The following MSRB3 variants were observed in gnomAD, a reference collection of about 807,000 sequenced individuals.
The protein encoded by MSRB3 is methionine-R-sulfoxide reductase B3.
A neutral mutation model predicts 21.0 loss-of-function variants in MSRB3; 13 were observed. That is an observed-to-expected ratio of 0.62 (90% CI 0.40 to 0.98). The LOEUF (loss-of-function observed/expected upper bound fraction) is 0.98, where lower values mean the gene tolerates loss of function less well. Ranked by LOEUF, MSRB3 falls within the 50% of genes least tolerant of loss-of-function variation. The pLI is 0.00. For missense variants in MSRB3, 199 were observed against 230.3 expected (o/e 0.86, Z 0.88); for synonymous variants, 87 against 88.6 (o/e 0.98, Z 0.10).
At chr12:65,379,371 A>G (rs891386281) in intron 5 of MSRB3, among the ~76,000 whole-genome samples, 1 of 152,212 alleles carries the variant, frequency 6.6e-6, no homozygotes, top group African/African-American at 2.4e-5. Context: ...TTACAGTTTA[A>G]ATGTTTCCTA....
At chr12:65,413,473 G>A (rs1361884776) in intron 5 of MSRB3, among the ~76,000 whole-genome samples, 1 of 152,138 alleles carries the variant, frequency 6.6e-6, no homozygotes, top group Non-Finnish European at 1.5e-5. Flanking sequence ...TAACTTTTTA[G>A]TACTGTTCTT....
At chr12:65,349,861 A>C (rs980735294) in intron 4 of MSRB3, among the ~76,000 whole-genome samples, 11 of 151,832 alleles carry the variant, frequency 7.2e-5, no homozygotes, top group African/African-American at 1.5e-4. Flanking sequence ...TTGTAGGTTG[A>C]CTGTTCACTC....
chr12:65,432,567 C>CT, intron 5 of MSRB3, among the ~76,000 whole-genome samples: 1 of 152,026 alleles, frequency 6.6e-6, no homozygotes, highest in Non-Finnish European at 1.5e-5. Flanking sequence ...ATTGACTCAC[C>CT]TTTTTAGCAG....
At chr12:65,389,040 A>C (rs913043860) in intron 5 of MSRB3, among the ~76,000 whole-genome samples, 4 of 152,160 alleles carry the variant, frequency 2.6e-5, no homozygotes, top group African/African-American at 9.7e-5. Context: ...TGTTAATGAC[A>C]TATCTGGGGC....
intron 2 of MSRB3, among the ~76,000 whole-genome samples, chr12:65,313,220 GC>G (rs1248030827): frequency 6.6e-6 from 1 of 152,034 alleles, no homozygotes; most frequent in African/African-American, 2.4e-5. Context: ...TGTTTGTTGT[GC>G]TTTAAAGTCT....
chr12:65,364,999 C>T (rs1345260421), intron 4 of MSRB3, among the ~76,000 whole-genome samples: 1 of 151,290 alleles, frequency 6.6e-6, no homozygotes, highest in Non-Finnish European at 1.5e-5. Flanking sequence ...CTGCACCTTA[C>T]GTGTATATTT....
In MSRB3 at chr12:65,287,730, C is replaced by T. The variant is rs147883192; in HGVS notation, c.-52+8865C>T. Among the ~76,000 whole-genome samples, 740 of 152,182 alleles carry T rather than the reference C, an allele frequency of 4.9e-3. 4 individuals carry two copies. The highest frequency in any genetic ancestry group is 0.024 in the Middle Eastern group (7 of 294). On this transcript the variant is annotated intron_variant, in intron 1 of 6. Transcript: ENST00000308259. ...GTGTGAATATGCCTTCTAGTCAGAT[C>T]GCCTTAGGGGGCCAGGAAGAGGAGG...
At chr12:65,303,221 T>A (rs1467121645) in intron 1 of MSRB3, among the ~76,000 whole-genome samples, 11 of 152,234 alleles carry the variant, frequency 7.2e-5, no homozygotes, top group African/African-American at 2.7e-4. Context: ...CTGGAGCTAA[T>A]TATCAGCTTT....
At chr12:65,305,017 T>C (rs1423021760) in intron 1 of MSRB3, 3 of 152,106 alleles carry the variant, frequency 2.0e-5, no homozygotes, top group African/African-American at 7.2e-5. Flanking sequence ...TCTAGAAATC[T>C]GAGAATGTCA....
chr12:65,421,162 T>C (rs181087385), intron 5 of MSRB3, among the ~76,000 whole-genome samples: 3 of 152,356 alleles, frequency 2.0e-5, no homozygotes, highest in East Asian at 1.9e-4. Flanking sequence ...CCTTTCTGAC[T>C]CATGTGAGGT....
chr12:65,396,701 AAAAAAAGAAAGAAAG>A (rs1323957802), intron 5 of MSRB3, among the ~76,000 whole-genome samples: 1 of 24,660 alleles, frequency 4.1e-5, no homozygotes, highest in Non-Finnish European at 1.0e-4. Context: ...CAAAAAAAAA[AAAAAAAGAAAGAAAG>A]AAAGAAAGAA....
At chr12:65,453,989 T>C (rs948644779) in intron 6 of MSRB3, 164 bp downstream of exon 6, 76 of 708,400 alleles carry the variant, frequency 1.1e-4, no homozygotes, top group Non-Finnish European at 1.5e-5. Context: ...TTAGCAAGTC[T>C]AGTGGAATGT....
At chr12:65,362,943 GCTGAAATA>G (rs952920324) in intron 4 of MSRB3, among the ~76,000 whole-genome samples, 7 of 152,274 alleles carry the variant, frequency 4.6e-5, no homozygotes, top group African/African-American at 1.7e-4. Flanking sequence ...CAAGTAGGAT[GCTGAAATA>G]CTGGAATTTC....
intron 6 of MSRB3, among the ~76,000 whole-genome samples, chr12:65,458,834 T>G (rs937469601): frequency 2.0e-5 from 3 of 152,248 alleles, no homozygotes; most frequent in Non-Finnish European, 4.4e-5. Flanking sequence ...TTAATTTATA[T>G]TTTCAACTAG....
At chr12:65,340,253 A>C (rs113300469) in intron 4 of MSRB3, among the ~76,000 whole-genome samples, 56 of 152,304 alleles carry the variant, frequency 3.7e-4, no homozygotes, top group African/African-American at 1.3e-3. Context: ...TATTAGACAC[A>C]CAAGAAAGTA....
At position 65,408,955 on chromosome 12, in the gene MSRB3, G is replaced by A. The variant is rs189285960; in HGVS notation, c.292+39929G>A. 3.8e-3 allele frequency among the ~76,000 whole-genome samples: 577 copies of A among 152,140 alleles called. 5 individuals are homozygous for A. The highest frequency in any genetic ancestry group is 0.011 in the African/African-American group (470 of 41,500). Reference sequence around the variant, plus strand: ...CCTTCCCCCTGCTGGAATCACAAGCGGACTTTTCTGTGATCTTCACTGTGA... The same window carrying A: ...CCTTCCCCCTGCTGGAATCACAAGCAGACTTTTCTGTGATCTTCACTGTGA... On this transcript the variant is annotated intron_variant, in intron 5 of 6. Coordinates refer to ENST00000308259, the MANE Select transcript of MSRB3 (RefSeq NM_001031679.3).
intron 5 of MSRB3, among the ~76,000 whole-genome samples, chr12:65,409,315 A>T (rs549467668): frequency 6.6e-6 from 1 of 152,174 alleles, no homozygotes; most frequent in South Asian, 2.1e-4. Flanking sequence ...TTAAACCTAG[A>T]TTGTGTAGCC....
chr12:65,435,518 A>G (rs2136670805), intron 5 of MSRB3, among the ~76,000 whole-genome samples: 1 of 152,060 alleles, frequency 6.6e-6, no homozygotes, highest in Non-Finnish European at 1.5e-5. Context: ...TGTCAGAGCT[A>G]TAGTCTGAGC....
rs78247106 is a variant in MSRB3 at position 65,315,694 on chromosome 12, C to A, written c.76+7039C>A. ...ATCTCAAAAAAAAAAAAAAAAAAAA[C>A]CCATGAAATGACAAAAGATATCAGT... On this transcript the variant is annotated intron_variant, in intron 2 of 6. Coordinates refer to ENST00000308259, the MANE Select transcript of MSRB3 (RefSeq NM_001031679.3). 2.0e-3 allele frequency among the ~76,000 whole-genome samples: 270 copies of A among 132,448 alleles called. 2 individuals carry two copies. The highest frequency in any genetic ancestry group is 6.1e-3 in the South Asian group (23 of 3,768). 86.9% of individuals were successfully genotyped at this position (132,448 alleles called of 152,430 possible). A position where few individuals can be genotyped will look rare whatever the true frequency, so the allele number is the denominator to read the frequency against.
Sources: allele counts gnomAD v4.1 joint callset (sites outside exome capture counted in the v4.1 genomes callset), GRCh38; gene constraint gnomAD v4.1.1; transcripts MANE v1.5; gene names NCBI Gene and HGNC (gene_info 2026-07-23, HGNC 2026-07-21).